PTPRR: variants seen among roughly 807,000 people sequenced by gnomAD.
PTPRR encodes protein tyrosine phosphatase receptor type R, also known as receptor-type tyrosine-protein phosphatase R.
In PTPRR, 38 loss-of-function variants were observed where a neutral mutation model predicts 77.2. The observed-to-expected ratio is 0.49, with a 90% CI of 0.38 to 0.65. PTPRR has a LOEUF of 0.65. Among genes scored for constraint, PTPRR ranks in the 30% least tolerant of loss-of-function variants. The probability of loss-of-function intolerance (pLI) is 0.00; values close to 1 mark genes in which losing one functional copy is unlikely to be tolerated. For missense variants in PTPRR, 744 were observed against 799.2 expected, an observed-to-expected ratio of 0.93 and a Z score of 0.83; for synonymous variants, 299 against 283.1, an observed-to-expected ratio of 1.06 and a Z score of -0.57.
chr12:70,642,769 T>C (rs182621961), intron 13 of PTPRR, among the ~76,000 whole-genome samples: 4 of 152,320 alleles, frequency 2.6e-5, no homozygotes, highest in Admixed American at 1.3e-4. Flanking sequence ...CAGGATGCAT[T>C]CACTGGAGGC....
intron 10 of PTPRR, among the ~76,000 whole-genome samples, chr12:70,681,450 A>G (rs1407110868): frequency 6.6e-6 from 1 of 152,170 alleles, no homozygotes; most frequent in East Asian, 1.9e-4. Context: ...CTGTGACATT[A>G]ATGGGGGCTG....
chr12:70,708,439 G>C (rs2136805588), intron 6 of PTPRR, among the ~76,000 whole-genome samples: 1 of 152,198 alleles, frequency 6.6e-6, no homozygotes, highest in Admixed American at 6.6e-5. Flanking sequence ...GATTCAGTTT[G>C]AATCTTGTTT....
intron 1 of PTPRR, among the ~76,000 whole-genome samples, chr12:70,899,263 C>A (rs1270804954): frequency 6.6e-6 from 1 of 150,940 alleles, no homozygotes; most frequent in African/African-American, 2.4e-5. Context: ...TAGAGACAAT[C>A]CTAAAAAAAA....
intron 7 of PTPRR, among the ~76,000 whole-genome samples, chr12:70,700,062 C>A (rs1227886574): frequency 6.6e-6 from 1 of 152,186 alleles, no homozygotes; most frequent in Non-Finnish European, 1.5e-5. Flanking sequence ...CTTGTTCTTT[C>A]ATTCCTACAG....
chr12:70,788,756 C>A (rs1041168671), intron 2 of PTPRR: 2 of 1,118,566 alleles, frequency 1.8e-6, no homozygotes, highest in African/African-American at 1.6e-5. Context: ...TAATATTTAC[C>A]CTCCTAAGCT....
intron 2 of PTPRR, among the ~76,000 whole-genome samples, chr12:70,809,199 T>C (rs1477783523): frequency 6.6e-6 from 1 of 152,158 alleles, no homozygotes; most frequent in African/African-American, 2.4e-5. Context: ...GAGCTCTTTG[T>C]CTCTTTCCCC....
chr12:70,868,513 C>T (rs61930369), intron 2 of PTPRR, among the ~76,000 whole-genome samples: 16,608 of 151,930 alleles, frequency 0.11, 1,183 homozygotes, highest in Non-Finnish European at 0.17. Flanking sequence ...GTTAGAATGG[C>T]AATCATTAAA....
At chr12:70,807,666 T>G (rs527829821) in intron 2 of PTPRR, among the ~76,000 whole-genome samples, 1 of 152,194 alleles carries the variant, frequency 6.6e-6, no homozygotes, top group African/African-American at 2.4e-5. Context: ...TTAACACTTT[T>G]ATAATTTCTT....
chr12:70,913,977 TACAGGTTAAGTACATTG>T (rs1236971292), intron 1 of PTPRR, among the ~76,000 whole-genome samples: 3 of 152,124 alleles, frequency 2.0e-5, no homozygotes, highest in Non-Finnish European at 4.4e-5. Context: ...AACTTCAGTA[TACAGGTTAAGTACATTG>T]ACAGGGGAAT....
intron 2 of PTPRR, among the ~76,000 whole-genome samples, chr12:70,833,823 T>C (rs1892256519): frequency 6.6e-6 from 1 of 152,160 alleles, no homozygotes; most frequent in Admixed American, 6.6e-5. Context: ...ATTGAATACA[T>C]AAAGAACTTC....
intron 2 of PTPRR, among the ~76,000 whole-genome samples, chr12:70,798,772 A>G (rs191371774): frequency 8.9e-6 from 1 of 112,970 alleles, no homozygotes; most frequent in Admixed American, 1.4e-4. Context: ...CACATTCTCT[A>G]TCTCAGTATC....
At chr12:70,703,520 C>A (rs966313292) in intron 6 of PTPRR, among the ~76,000 whole-genome samples, 2 of 152,134 alleles carry the variant, frequency 1.3e-5, no homozygotes, top group Admixed American at 6.6e-5. Context: ...AATGGTTCTA[C>A]TCATGGACCA....
intron 13 of PTPRR, among the ~76,000 whole-genome samples, chr12:70,652,713 C>T (rs576908916): frequency 2.4e-4 from 37 of 152,216 alleles, no homozygotes; most frequent in South Asian, 1.0e-3. Flanking sequence ...AAGGCCAAGG[C>T]TAAGGTTTCT....
At chr12:70,690,580 A>G (rs1262182900) in intron 8 of PTPRR, among the ~76,000 whole-genome samples, 1 of 152,220 alleles carries the variant, frequency 6.6e-6, no homozygotes, top group Non-Finnish European at 1.5e-5. Flanking sequence ...GGATAGCCCT[A>G]AATTGCTTAT....
intron 10 of PTPRR, among the ~76,000 whole-genome samples, chr12:70,667,100 C>T (rs1295824563): frequency 4.6e-5 from 7 of 151,638 alleles, no homozygotes; most frequent in Non-Finnish European, 5.9e-5. Context: ...GGACTACAGG[C>T]GCCCGCCACC....
intron 10 of PTPRR, chr12:70,672,548 T>A (rs1175727972): frequency 1.5e-6 from 2 of 1,337,250 alleles, no homozygotes; most frequent in African/African-American, 2.9e-5. Flanking sequence ...GGAAAAACCT[T>A]CAACACCTTC....
intron 2 of PTPRR, among the ~76,000 whole-genome samples, chr12:70,847,144 CA>C (rs1892498893): frequency 6.6e-6 from 1 of 152,160 alleles, no homozygotes; most frequent in Admixed American, 6.5e-5. Context: ...AAAGTTTTGA[CA>C]AGAGACCTTG....
chr12:70,707,619 G>T (rs1888665524), intron 6 of PTPRR, among the ~76,000 whole-genome samples: 1 of 152,008 alleles, frequency 6.6e-6, no homozygotes, highest in Non-Finnish European at 1.5e-5. Context: ...CAATGTTTGT[G>T]CATTTCCCTA....
At chr12:70,746,706 T>C (rs1465165418) in intron 5 of PTPRR, among the ~76,000 whole-genome samples, 5 of 152,056 alleles carry the variant, frequency 3.3e-5, no homozygotes, top group African/African-American at 1.2e-4. Context: ...TTTTATTTTA[T>C]TTCGATACAG....
Sources: allele counts gnomAD v4.1 joint callset (sites outside exome capture counted in the v4.1 genomes callset), GRCh38; gene constraint gnomAD v4.1.1; transcripts MANE v1.5; gene names NCBI Gene and HGNC (gene_info 2026-07-23, HGNC 2026-07-21).